Variants in NOL4 observed in about 807,000 individuals in gnomAD.
NOL4 encodes nucleolar protein 4, also known as cancer/testis antigen 125.
A neutral mutation model predicts 75.9 loss-of-function variants in NOL4; 17 were observed. The observed-to-expected ratio is 0.22, with a 90% CI of 0.15 to 0.34. NOL4 has a LOEUF of 0.34. Ranked by LOEUF, NOL4 falls within the 10% of genes least tolerant of loss-of-function variation. The probability of loss-of-function intolerance (pLI) is 1.00; values close to 1 mark genes in which losing one functional copy is unlikely to be tolerated. For synonymous variants in NOL4, 292 were observed against 289.9 expected, an observed-to-expected ratio of 1.01 and a Z score of -0.07; for missense variants, 614 against 793.5, an observed-to-expected ratio of 0.77 and a Z score of 2.72.
At chr18:34,036,917 G>A (rs921129507) in intron 5 of NOL4, among the ~76,000 whole-genome samples, 1 of 152,160 alleles carries the variant, frequency 6.6e-6, no homozygotes, top group South Asian at 2.1e-4. Flanking sequence ...GGGCAATAGA[G>A]TGAGACTCCA....
intron 5 of NOL4, among the ~76,000 whole-genome samples, chr18:34,047,808 C>T (rs572328551): frequency 2.0e-5 from 3 of 152,044 alleles, no homozygotes; most frequent in Non-Finnish European, 2.9e-5. Flanking sequence ...CCCCCCAGAA[C>T]AAAATCCATC....
chr18:34,203,373 G>A (rs955303705), intron 1 of NOL4, among the ~76,000 whole-genome samples: 2 of 151,838 alleles, frequency 1.3e-5, no homozygotes, highest in African/African-American at 4.8e-5. Context: ...GAGTGTGGTG[G>A]TGGATACACA....
chr18:33,868,581 A>C (rs560410493), intron 10 of NOL4, among the ~76,000 whole-genome samples: 64 of 151,930 alleles, frequency 4.2e-4, no homozygotes, highest in Non-Finnish European at 7.7e-4. Context: ...ACAATACAAG[A>C]TTTAATAGGA....
At position 33,958,263 on chromosome 18, in the gene NOL4, T is replaced by C; in HGVS notation, c.1212A>G (p.Glu404=). The change falls in exon 7 of 11, where the codon GAA becomes GAG. Residue 404 remains glutamate, a synonymous_variant. Coordinates refer to ENST00000261592, the MANE Select transcript of NOL4 (RefSeq NM_003787.5). ...CATTAAAAGCTTTCAGCCGCTCGGC[T>C]TCAACGCCGTCTGTCTCATTAACTT... ...SEKVNETDGV[E]AERLKAFNMF... The C allele has an allele frequency of 6.2e-7, 1 of 1,613,578 alleles. No individual in the cohort carries two copies. The highest frequency in any genetic ancestry group is 1.1e-5 in the South Asian group (1 of 91,042).
chr18:34,082,097 T>A (rs1419002316), intron 5 of NOL4, among the ~76,000 whole-genome samples: 2 of 152,196 alleles, frequency 1.3e-5, no homozygotes, highest in Non-Finnish European at 2.9e-5. Context: ...AAATATTAGC[T>A]ATATTATTAA....
chr18:34,202,097 C>A (rs2035784005), intron 1 of NOL4, among the ~76,000 whole-genome samples: 2 of 151,738 alleles, frequency 1.3e-5, no homozygotes, highest in Non-Finnish European at 2.9e-5. Context: ...GTTTTAGTAA[C>A]AACAAAGTTT....
intron 1 of NOL4, among the ~76,000 whole-genome samples, chr18:34,189,526 C>T (rs1450761298): frequency 6.6e-6 from 1 of 151,894 alleles, no homozygotes; most frequent in African/African-American, 2.4e-5. Context: ...TATAAGAGGC[C>T]CTATTCTAGA....
At chr18:33,893,796 T>C (rs1336010461) in intron 9 of NOL4, among the ~76,000 whole-genome samples, 1 of 152,164 alleles carries the variant, frequency 6.6e-6, no homozygotes, top group Non-Finnish European at 1.5e-5. Context: ...AGGATTGAAT[T>C]ACATTTTGAG....
chr18:33,935,071 G>A (rs935891993), intron 9 of NOL4, among the ~76,000 whole-genome samples: 7 of 151,952 alleles, frequency 4.6e-5, no homozygotes, highest in South Asian at 4.2e-4. Context: ...CACTATGTTC[G>A]CCAGGCTGGT....
chr18:34,011,922 A>G (rs1013281428), intron 6 of NOL4, among the ~76,000 whole-genome samples: 1 of 151,906 alleles, frequency 6.6e-6, no homozygotes, highest in African/African-American at 2.4e-5. Flanking sequence ...CAAAATGCAC[A>G]TTTCACCGAA....
intron 1 of NOL4, among the ~76,000 whole-genome samples, chr18:34,161,251 T>C (rs774705610): frequency 1.3e-5 from 2 of 152,292 alleles, no homozygotes; most frequent in Middle Eastern, 3.4e-3. Flanking sequence ...ATCTTGGCTA[T>C]TGTGCATAGT....
At position 33,912,408 on chromosome 18, in the gene NOL4, A is replaced by G. The variant is rs920484197; in HGVS notation, c.1543-28984T>C. Among the ~76,000 whole-genome samples the G allele has an allele frequency of 2.6e-5, 4 of 152,092 alleles. 1 individual carries two copies. On this transcript the variant is annotated intron_variant, in intron 9 of 10. Coordinates refer to ENST00000261592, the MANE Select transcript of NOL4 (RefSeq NM_003787.5). Reference sequence around the variant, plus strand: ...GATAGGACAAATTTTCTAATATAATATAGTTAGAATCAGGATAGGTACATT... The same window carrying G: ...GATAGGACAAATTTTCTAATATAATGTAGTTAGAATCAGGATAGGTACATT...
chr18:33,863,421 A>G (rs1410572604), intron 10 of NOL4, among the ~76,000 whole-genome samples: 1 of 152,154 alleles, frequency 6.6e-6, no homozygotes, highest in Admixed American at 6.5e-5. Context: ...AAAGTATAAT[A>G]ATAATAAAAA....
intron 8 of NOL4, among the ~76,000 whole-genome samples, chr18:33,951,718 A>T (rs1298308914): frequency 6.6e-6 from 1 of 152,062 alleles, no homozygotes; most frequent in Admixed American, 6.5e-5. Context: ...CCTGAATATT[A>T]TATTCTACTT....
At chr18:33,908,078 G>T (rs2066171199) in intron 9 of NOL4, among the ~76,000 whole-genome samples, 1 of 152,070 alleles carries the variant, frequency 6.6e-6, no homozygotes, top group African/African-American at 2.4e-5. Flanking sequence ...GTCACAAATG[G>T]TTCTACGGGC....
intron 1 of NOL4, among the ~76,000 whole-genome samples, chr18:34,157,649 T>A (rs1447177609): frequency 1.7e-4 from 25 of 144,508 alleles, no homozygotes; most frequent in South Asian, 2.2e-4. Flanking sequence ...AAATACAGTA[T>A]CAAAAAAGGA....
rs76343751 is a variant in NOL4 at position 33,897,133 on chromosome 18, A to C, written c.1543-13709T>G. ...AAAAGTAACAGATGCTGGTGAGGTT[A>C]TGGAGAAAAGGGAACACTTACACCT... On this transcript the variant is annotated intron_variant, in intron 9 of 10. Coordinates refer to ENST00000261592, the MANE Select transcript of NOL4 (RefSeq NM_003787.5). 9.4e-3 allele frequency among the ~76,000 whole-genome samples: 1,438 copies of C among 152,242 alleles called. 24 individuals carry two copies. The highest frequency in any genetic ancestry group is 0.032 in the African/African-American group (1,346 of 41,568).
chr18:34,030,588 CAT>C (rs879383033), intron 5 of NOL4, among the ~76,000 whole-genome samples: 13 of 152,188 alleles, frequency 8.5e-5, no homozygotes, highest in South Asian at 2.1e-4. Context: ...ATAGGAGAGA[CAT>C]GTGTTAATGG....
At chr18:34,002,166 C>G (rs1199364739) in intron 6 of NOL4, among the ~76,000 whole-genome samples, 2 of 152,142 alleles carry the variant, frequency 1.3e-5, no homozygotes, top group Non-Finnish European at 2.9e-5. Flanking sequence ...CTTATCCTCA[C>G]TACTCATAGT....
Sources: gnomAD v4.1 joint callset for allele counts (sites outside exome capture counted in the v4.1 genomes callset) on GRCh38, gnomAD v4.1.1 for gene constraint, MANE v1.5 for transcripts, NCBI Gene and HGNC (gene_info 2026-07-23, HGNC 2026-07-21) for gene names.